Variants in C8orf34 observed in about 807,000 individuals in gnomAD.
C8orf34 encodes chromosome 8 open reading frame 34.
C8orf34 carries 65 observed loss-of-function variants against 68.3 expected under a neutral mutation model. That is an observed-to-expected ratio of 0.95 (90% confidence interval 0.78 to 1.17). The LOEUF is 1.17. Ranked by LOEUF, C8orf34 falls within the 50% of genes most tolerant of loss-of-function variation. The pLI, the probability that C8orf34 is intolerant of heterozygous loss-of-function variation, is 0.00. For synonymous variants in C8orf34, 244 were observed against 241.2 expected, an observed-to-expected ratio of 1.01 and a Z score of -0.11; for missense variants, 664 against 655.4, an observed-to-expected ratio of 1.01 and a Z score of -0.14.
chr8:68,433,078 A>G (rs1422270486), intron 1 of C8orf34, among the ~76,000 whole-genome samples: 2 of 152,182 alleles, frequency 1.3e-5, no homozygotes, highest in South Asian at 2.1e-4. Context: ...TTTCTCATGT[A>G]TTCATTGTCA....
intron 7 of C8orf34, among the ~76,000 whole-genome samples, chr8:68,562,269 G>A (rs1481222372): frequency 6.6e-6 from 1 of 152,080 alleles, no homozygotes. Flanking sequence ...TGTATATGTG[G>A]TCCCTCATTG....
chr8:68,445,816 CAG>C (rs750593915), intron 2 of C8orf34, among the ~76,000 whole-genome samples: 37 of 151,920 alleles, frequency 2.4e-4, no homozygotes, highest in Non-Finnish European at 5.1e-4. Context: ...TTCTTTTTGA[CAG>C]AGTCTCTATC....
In C8orf34 at chr8:68,520,887, C is replaced by T. The variant is rs192095710; in HGVS notation, c.766-912C>T. Reference sequence around the variant, plus strand: ...CATTAAAAATATATTTTTCTCATTACATATTTACTGTAGCAAATAGAAATG... The same window carrying T: ...CATTAAAAATATATTTTTCTCATTATATATTTACTGTAGCAAATAGAAATG... On this transcript the variant is annotated intron_variant, in intron 5 of 13. Coordinates refer to ENST00000518698, the MANE Select transcript of C8orf34 (RefSeq NM_052958.4). 7.0e-3 allele frequency among the ~76,000 whole-genome samples: 1,059 copies of T among 152,292 alleles called. 4 individuals carry two copies. The highest frequency in any genetic ancestry group is 0.01 in the Middle Eastern group (3 of 294).
intron 5 of C8orf34, among the ~76,000 whole-genome samples, chr8:68,518,208 A>C (rs1174648488): frequency 6.6e-6 from 1 of 152,194 alleles, no homozygotes; most frequent in East Asian, 1.9e-4. Flanking sequence ...GGAAGAAGGC[A>C]CAATTTATAC....
chr8:68,508,620 G>A (rs897350918), intron 5 of C8orf34, among the ~76,000 whole-genome samples: 10 of 152,148 alleles, frequency 6.6e-5, no homozygotes, highest in African/African-American at 2.4e-4. Context: ...CCTCTCATGT[G>A]TCCAGAGGTT....
In C8orf34 at chr8:68,446,439, C is replaced by A; in HGVS notation, c.586C>A (p.Pro196Thr). 6.2e-7 allele frequency: 1 copy of A among 1,612,640 alleles called. No homozygotes were observed. Among genetic ancestry groups the A allele is most frequent in the African/African-American group, 1.3e-5 (1 of 74,972 alleles). Reference sequence around the variant, plus strand: ...CCTTGCTGTGTCTAATATTTCTCCACCATCACCGGACTCCAAATCATGTAA... The same window carrying A: ...CCTTGCTGTGTCTAATATTTCTCCAACATCACCGGACTCCAAATCATGTAA... The part of the protein sequence containing the change: ...SDLAVSNISP[P>T]SPDSKSLPRS... Residue 196 changes from proline (P) to threonine (T), a missense_variant, in exon 3 of 14, where the codon CCA (proline) becomes ACA (threonine). Coordinates refer to ENST00000518698, the MANE Select transcript of C8orf34 (RefSeq NM_052958.4).
At chr8:68,453,287 A>G (rs1586169371) in intron 3 of C8orf34, among the ~76,000 whole-genome samples, 1 of 152,138 alleles carries the variant, frequency 6.6e-6, no homozygotes, top group Admixed American at 6.5e-5. Flanking sequence ...TATGAATTTT[A>G]GAGTCAGTTG....
At chr8:68,449,102 C>G (rs1272877049) in intron 3 of C8orf34, among the ~76,000 whole-genome samples, 1 of 151,882 alleles carries the variant, frequency 6.6e-6, no homozygotes, top group Non-Finnish European at 1.5e-5. Context: ...CTATCAACTG[C>G]ATTGACTTAA....
chr8:68,544,136 G>A (rs901076678), intron 7 of C8orf34, among the ~76,000 whole-genome samples: 3 of 152,164 alleles, frequency 2.0e-5, no homozygotes, highest in South Asian at 2.1e-4. Context: ...TATGGACATA[G>A]TCTACAGGGG....
chr8:68,611,520 C>T (rs1005885488), intron 7 of C8orf34, among the ~76,000 whole-genome samples: 2 of 152,076 alleles, frequency 1.3e-5, no homozygotes, highest in Non-Finnish European at 2.9e-5. Flanking sequence ...ATAAAGCATT[C>T]ATGTCATAGA....
chr8:68,346,859 T>C (rs1806306126), intron 1 of C8orf34, among the ~76,000 whole-genome samples: 1 of 152,096 alleles, frequency 6.6e-6, no homozygotes, highest in African/African-American at 2.4e-5. Flanking sequence ...ATGAAGGAGA[T>C]TTTAGTTCCT....
chr8:68,508,879 G>A (rs993710611), intron 5 of C8orf34, among the ~76,000 whole-genome samples: 5 of 152,126 alleles, frequency 3.3e-5, no homozygotes, highest in South Asian at 2.1e-4. Context: ...AGGAAGAAAA[G>A]GGGGAAACAG....
intron 8 of C8orf34, among the ~76,000 whole-genome samples, chr8:68,650,057 G>A (rs376081287): frequency 4.0e-5 from 6 of 149,822 alleles, no homozygotes; most frequent in African/African-American, 4.9e-5. Context: ...GTATATTTTA[G>A]AAAAAAAAAA....
At chr8:68,748,037 G>T (rs1822564920) in intron 10 of C8orf34, among the ~76,000 whole-genome samples, 1 of 150,502 alleles carries the variant, frequency 6.6e-6, no homozygotes, top group African/African-American at 2.5e-5. Context: ...CCAAAACAGA[G>T]ATATAGATCA....
At chr8:68,388,334 G>A (rs1268699505) in intron 1 of C8orf34, among the ~76,000 whole-genome samples, 2 of 152,070 alleles carry the variant, frequency 1.3e-5, no homozygotes, top group Admixed American at 1.3e-4. Context: ...GTCTGACATA[G>A]CTTTCCTTCT....
At chr8:68,427,448 G>T (rs1208570856) in intron 1 of C8orf34, among the ~76,000 whole-genome samples, 4 of 152,188 alleles carry the variant, frequency 2.6e-5, no homozygotes, top group Non-Finnish European at 4.4e-5. Flanking sequence ...ATATCAAAAA[G>T]ATATATACTT....
At chr8:68,672,982 GCCCTA>G (rs1820063785) in intron 8 of C8orf34, among the ~76,000 whole-genome samples, 1 of 152,128 alleles carries the variant, frequency 6.6e-6, no homozygotes, top group Admixed American at 6.5e-5. Context: ...CCCATTCCAG[GCCCTA>G]GCTCTCAGAT....
At chr8:68,770,427 A>G (rs1215166325) in intron 10 of C8orf34, among the ~76,000 whole-genome samples, 1 of 152,244 alleles carries the variant, frequency 6.6e-6, no homozygotes, top group Non-Finnish European at 1.5e-5. Context: ...TGGCACAATG[A>G]CTAGTTCAAT....
intron 3 of C8orf34, among the ~76,000 whole-genome samples, chr8:68,467,418 C>T (rs1812195995): frequency 6.6e-6 from 1 of 151,954 alleles, no homozygotes; most frequent in African/African-American, 2.4e-5. Context: ...GACAAGTAAA[C>T]TTAACTTCTA....
Sources: gnomAD v4.1 joint callset for allele counts (sites outside exome capture counted in the v4.1 genomes callset) on GRCh38, gnomAD v4.1.1 for gene constraint, MANE v1.5 for transcripts, NCBI Gene and HGNC (gene_info 2026-07-23, HGNC 2026-07-21) for gene names.